PRRC2A: variants seen among roughly 807,000 people sequenced by gnomAD.
PRRC2A encodes the protein proline rich coiled-coil 2A, also known as protein PRRC2A.
Under a neutral mutation model 224.6 loss-of-function variants are expected in PRRC2A, and 59 were observed. That is an observed-to-expected ratio of 0.26 (90% CI 0.21 to 0.33). The LOEUF is 0.33. Among genes scored for constraint, PRRC2A ranks in the 10% least tolerant of loss-of-function variants. The pLI, the probability that PRRC2A is intolerant of heterozygous loss-of-function variation, is 1.00. For synonymous variants in PRRC2A, 1,194 were observed against 1,109.5 expected (o/e 1.08, Z -1.51); for missense variants, 3,095 against 2,880.7 (o/e 1.07, Z -1.70).
Position 31,630,643 on chromosome 6 carries a change from T to C in PRRC2A, c.2307T>C (p.Phe769=), listed in dbSNP as rs767598425. The C allele has an allele frequency of 4.0e-5, 65 of 1,614,128 alleles. No homozygotes were observed. The highest frequency in any genetic ancestry group is 5.4e-5 in the Non-Finnish European group (64 of 1,180,002). The part of the protein sequence containing the change: ...SDSGGSSSEP[F]DRHAPAMLRE... Reference sequence around the variant, plus strand: ...GTGGGGGCTCAAGCTCAGAGCCATTTGACCGTCATGCACCTGCTATGTTAC... The same window carrying C: ...GTGGGGGCTCAAGCTCAGAGCCATTCGACCGTCATGCACCTGCTATGTTAC... The change falls in exon 15 of 31, where the codon TTT becomes TTC. Residue 769 remains phenylalanine (F), a synonymous_variant. Coordinates refer to ENST00000376033, the MANE Select transcript of PRRC2A (RefSeq NM_004638.4).
In PRRC2A at chr6:31,634,892, C is replaced by A. The variant is rs1287269876; in HGVS notation, c.5075C>A (p.Pro1692His). 1.1e-5 allele frequency: 17 copies of A among 1,612,948 alleles called. No homozygotes were observed. Among genetic ancestry groups the A allele is most frequent in the Non-Finnish European group, 1.4e-5 (17 of 1,180,004 alleles). ...CCCAAGAGGCCTGGAGGCTCCTCACCCCTGAATGCTGTTCCTTGTGAGGGT... is the reference window on the plus strand; with the variant it reads ...CCCAAGAGGCCTGGAGGCTCCTCACACCTGAATGCTGTTCCTTGTGAGGGT... The part of the protein sequence containing the change: ...GPPKRPGGSS[P>H]LNAVPCEGPP... The change falls in exon 21 of 31, where the codon CCC becomes CAC. Residue 1692 changes from proline to histidine, a missense_variant. Coordinates refer to ENST00000376033, the MANE Select transcript of PRRC2A (RefSeq NM_004638.4).
intron 5 of PRRC2A, 60 bp downstream of exon 5, chr6:31,624,582 C>T: frequency 6.6e-7 from 1 of 1,526,500 alleles, no homozygotes; most frequent in Non-Finnish European, 9.1e-7. Flanking sequence ...ATGAACCCTG[C>T]ACTGTATTTT....
intron 13 of PRRC2A, 48 bp from the exon 14 acceptor site, chr6:31,629,500 C>A: frequency 7.0e-7 from 1 of 1,424,156 alleles, no homozygotes; most frequent in Non-Finnish European, 9.9e-7. Context: ...ATTCCTTTGT[C>A]CATGTGTGCT....
At position 31,627,943 on chromosome 6, in the gene PRRC2A, T is replaced by C; in HGVS notation, c.1469T>C (p.Leu490Pro). 1 of 1,612,848 alleles carries C rather than the reference T, an allele frequency of 6.2e-7. No individual in the cohort carries two copies. Among genetic ancestry groups the C allele is most frequent in the Non-Finnish European group, 8.5e-7 (1 of 1,179,940 alleles). ...EERRAACAEK[L>P]KRLDEKFGAP... Reference sequence around the variant, plus strand: ...CGCCGGGCAGCCTGTGCTGAGAAGCTCAAGCGACTCGATGAAAAGTTTGGG... The same window carrying C: ...CGCCGGGCAGCCTGTGCTGAGAAGCCCAAGCGACTCGATGAAAAGTTTGGG... The change falls in exon 12 of 31, where the codon CTC becomes CCC. Residue 490 changes from leucine to proline, a missense_variant. By Grantham distance (98) the Leu-to-Pro change is moderately conservative (BLOSUM62 -3). Transcript: ENST00000376033. The surrounding 1 kb of genome is among the most constrained non-coding windows in gnomAD (Gnocchi z 5.6).
At chr6:31,633,690 A>C (rs1158340845) in intron 17 of PRRC2A, 43 bp downstream of exon 17, 6 of 1,571,904 alleles carry the variant, frequency 3.8e-6, no homozygotes, top group Non-Finnish European at 5.2e-6. Flanking sequence ...CCATCCCCAG[A>C]GAAGGTCAAG....
Position 31,623,898 on chromosome 6 carries a change from C to T in PRRC2A, c.279C>T (p.Ser93=). 6.2e-7 allele frequency: 1 copy of T among 1,614,108 alleles called. No individual in the cohort carries two copies. Among genetic ancestry groups the T allele is most frequent in the Non-Finnish European group, 8.5e-7 (1 of 1,180,014 alleles). The change falls in exon 3 of 31, where the codon TCC becomes TCT. Residue 93 remains serine, a synonymous_variant. Coordinates refer to ENST00000376033, the MANE Select transcript of PRRC2A (RefSeq NM_004638.4). ...GTGWASKQEQ[S]DPKSSDASTA... is the part of the protein sequence containing the mutation. The stretch of plus-strand genomic sequence containing the variant: ...GATGGGCAAGCAAACAGGAGCAGTC[C>T]GACCCCAAGAGGTAGACAGAGGCTT...
In PRRC2A at chr6:31,631,892, A is replaced by G; in HGVS notation, c.3219A>G (p.Pro1073=). 1 of 1,611,554 alleles carries G rather than the reference A, an allele frequency of 6.2e-7. No homozygotes were observed. The highest frequency in any genetic ancestry group is 1.3e-5 in the African/African-American group (1 of 75,032). ...DDGRGGGTGG[P]NHPPAPRGRT... ...GGCGTGGAGGTGGGACAGGGGGACC[A>G]AACCACCCTCCTGCTCCCCGAGGCC... The change falls in exon 16 of 31, where the codon CCA becomes CCG. Residue 1073 remains proline (P), a synonymous_variant. Coordinates refer to ENST00000376033, the MANE Select transcript of PRRC2A (RefSeq NM_004638.4). This position sits in a 1 kb window ranked among gnomAD's most constrained non-coding sequence, Gnocchi z 4.5.
At position 31,636,346 on chromosome 6, in the gene PRRC2A, T is replaced by C. The variant is rs773753602; in HGVS notation, c.5762T>C (p.Leu1921Pro). Reference protein sequence around the residue: ...ELGKLPAGGVLYPPPSFLYSP... With the variant: ...ELGKLPAGGVPYPPPSFLYSP... ...GGGAAGTTGCCGGCTGGAGGAGTTC[T>C]CTACCCTCCACCTTCCTTCCTCTAC... is the stretch of plus-strand genomic sequence containing the variant. Residue 1921 changes from leucine to proline, a missense_variant, in exon 26 of 31, where the codon CTC (leucine) becomes CCC (proline). By Grantham distance (98) the Leu-to-Pro change is moderately conservative. Coordinates refer to ENST00000376033, the MANE Select transcript of PRRC2A (RefSeq NM_004638.4). The surrounding 1 kb of genome is among the most constrained non-coding windows in gnomAD (Gnocchi z 4.3). 30 of 1,613,022 alleles carry C rather than the reference T, an allele frequency of 1.9e-5. No homozygotes were observed. The South Asian group carries it at 2.1e-4, about 11-fold the overall frequency.
In PRRC2A at chr6:31,629,587, C is replaced by G. The variant is rs1776303996; in HGVS notation, c.1996C>G (p.Gln666Glu). 3 of 1,609,718 alleles carry G rather than the reference C, an allele frequency of 1.9e-6. No homozygotes were observed. The highest frequency in any genetic ancestry group is 2.7e-5 in the African/African-American group (2 of 74,964). Residue 666 changes from glutamine to glutamate, a missense_variant, in exon 14 of 31, where the codon CAG becomes GAG. Gln to Glu is a conservative substitution (Grantham distance 29). Around this residue, in one of 8 missense-constraint regions of PRRC2A, gnomAD observed 2,001 missense variants for 1,764.9 expected, o/e 1.13. Coordinates refer to ENST00000376033, the MANE Select transcript of PRRC2A (RefSeq NM_004638.4). ...LKQQQQHQWQQHQQGSAPPTP... is the reference protein window; with the variant it reads ...LKQQQQHQWQEHQQGSAPPTP... ...GCAGCAGCAGCAGCACCAGTGGCAG[C>G]AGCATCAACAGGGCTCTGCCCCTCC...
chr6:31,628,666 A>G (rs765254004), intron 12 of PRRC2A: 12 of 221,822 alleles, frequency 5.4e-5, no homozygotes, highest in Non-Finnish European at 1.1e-4. Context: ...ACATAGTGAA[A>G]CCCGTCTCTA....
At position 31,632,696 on chromosome 6, in the gene PRRC2A, C is replaced by T. The variant is rs776289169; in HGVS notation, c.4023C>T (p.Pro1341=). 1.2e-6 allele frequency: 2 copies of T among 1,613,114 alleles called. No homozygotes were observed. The highest frequency in any genetic ancestry group is 1.7e-6 in the Non-Finnish European group (2 of 1,180,040). The change falls in exon 16 of 31, where the codon CCC becomes CCT. Residue 1341 remains proline (P), a synonymous_variant. Transcript: ENST00000376033. ...AGCGCCGAGGGGACAAAGAGGCACC[C>T]CCACCAGTACTGCTGACACCCAAGG... ...TSERRGDKEA[P]PPVLLTPKAV...
Position 31,637,607 on chromosome 6 carries a change from AC to A in PRRC2A, c.*26del. 8.7e-7 allele frequency: 1 copy of A among 1,152,668 alleles called. No homozygotes were observed. The highest frequency in any genetic ancestry group is 1.1e-6 in the Non-Finnish European group (1 of 912,086). The allele number at this position is 1,152,668 out of a possible 1,614,324, so 71.4% of individuals were successfully genotyped here. ...GCTGAGGGAGTTCCTCTTGCCCCCT[AC>A]CCCCGGGGCTTGTATATAGATTATA... On this transcript the variant is annotated 3_prime_UTR_variant, in exon 31 of 31. Transcript: ENST00000376033.
At position 31,635,969 on chromosome 6, in the gene PRRC2A, C is replaced by T; in HGVS notation, c.5544C>T (p.Ile1848=). The change falls in exon 25 of 31, where the codon ATC becomes ATT. Residue 1848 remains isoleucine, a splice_region_variant and synonymous_variant. Transcript: ENST00000376033. The stretch of plus-strand genomic sequence containing the variant: ...TCAACCGTGCTCCTCTCCTGCAGAT[C>T]TCTGGGGGAGCCATGGACTCTCAAT... ...YGSAGPSSSQ[I]SGGAMDSQLH... The T allele has an allele frequency of 6.2e-7, 1 of 1,610,534 alleles. No individual in the cohort carries two copies. The highest frequency in any genetic ancestry group is 8.5e-7 in the Non-Finnish European group (1 of 1,177,290).
chr6:31,636,195 C>T lies in PRRC2A; in HGVS notation c.5625-14C>T, dbSNP rs2150536667. 1 of 1,609,236 alleles carries T rather than the reference C, an allele frequency of 6.2e-7. No individual in the cohort carries two copies. Among genetic ancestry groups the T allele is most frequent in the East Asian group, 2.2e-5 (1 of 44,854 alleles). ...GGCTTCCTAACAGCTTTTCTCCCCA[C>T]AATTTATTTTCAGATCACAGCCCCT... On this transcript the variant is annotated splice_polypyrimidine_tract_variant and intron_variant, in intron 25 of 30. Coordinates refer to ENST00000376033, the MANE Select transcript of PRRC2A (RefSeq NM_004638.4). This position sits in a 1 kb window ranked among gnomAD's most constrained non-coding sequence, Gnocchi z 4.3.
Position 31,630,640 on chromosome 6 carries a change from A to G in PRRC2A, c.2304A>G (p.Pro768=), listed in dbSNP as rs1776445337. 6.2e-7 allele frequency: 1 copy of G among 1,613,880 alleles called. No individual in the cohort carries two copies. Among genetic ancestry groups the G allele is most frequent in the African/African-American group, 1.3e-5 (1 of 74,866 alleles). Residue 768 remains proline, a synonymous_variant, in exon 15 of 31, where the codon CCA becomes CCG. Coordinates refer to ENST00000376033, the MANE Select transcript of PRRC2A (RefSeq NM_004638.4). ...RSDSGGSSSE[P]FDRHAPAMLR... ...ACAGTGGGGGCTCAAGCTCAGAGCC[A>G]TTTGACCGTCATGCACCTGCTATGT...
intron 14 of PRRC2A, 24 bp from the exon 15 acceptor site, chr6:31,630,561 ATTATTT>A: frequency 8.1e-6 from 13 of 1,611,542 alleles, no homozygotes; most frequent in Non-Finnish European, 1.1e-5. Flanking sequence ...CATGAATAGG[ATTATTT>A]TTCTTTTTCT....
At chr6:31,630,835 C>G (rs1464371206) in intron 15 of PRRC2A, 34 bp downstream of exon 15, 3 of 1,606,604 alleles carry the variant, frequency 1.9e-6, no homozygotes, top group Non-Finnish European at 2.6e-6. Flanking sequence ...GGTGAGTTCA[C>G]AGTGAAAGGA....
chr6:31,634,322 C>T lies in PRRC2A; in HGVS notation c.4806C>T (p.Gly1602=). Residue 1602 remains glycine, a synonymous_variant, in exon 19 of 31, where the codon GGC becomes GGT. Coordinates refer to ENST00000376033, the MANE Select transcript of PRRC2A (RefSeq NM_004638.4). ...CTCAGGCAGAGTCCAGAGATACAGG[C>T]ACAGAGGCCCTGACCCCTCACATCT... is the stretch of plus-strand genomic sequence containing the variant. ...PGPQAESRDT[G]TEALTPHIWN... The T allele has an allele frequency of 6.2e-7, 1 of 1,612,914 alleles. No individual in the cohort carries two copies. The highest frequency in any genetic ancestry group is 8.5e-7 in the Non-Finnish European group (1 of 1,179,996).
rs377532159 is a variant in PRRC2A at position 31,630,581 on chromosome 6, G to A, written c.2255-10G>A. ...ATAGGATTATTTTTCTTTTTCTTTGGTTTCTTCAGGCCTAGTTCCCCGAGA... is the reference window on the plus strand; with the variant it reads ...ATAGGATTATTTTTCTTTTTCTTTGATTTCTTCAGGCCTAGTTCCCCGAGA... On this transcript the variant is annotated splice_polypyrimidine_tract_variant and intron_variant, in intron 14 of 30. Transcript: ENST00000376033. The A allele has an allele frequency of 6.2e-7, 1 of 1,612,968 alleles. No homozygotes were observed. The highest frequency in any genetic ancestry group is 8.5e-7 in the Non-Finnish European group (1 of 1,179,528).
Sources: gnomAD v4.1 joint callset for allele counts on GRCh38, gnomAD v4.1.1 for gene constraint, gnomAD v4.1.1 regional missense constraint, Gnocchi (gnomAD v3.1) non-coding constraint, MANE v1.5 for transcripts, NCBI Gene and HGNC (gene_info 2026-07-23, HGNC 2026-07-21) for gene names.